Variants in ABCB8 observed in about 807,000 individuals in gnomAD.
ABCB8 encodes the protein mitochondrial potassium channel ATP-binding subunit.
Under a neutral mutation model 73.0 loss-of-function variants are expected in ABCB8, and 52 were observed. That is an observed-to-expected ratio of 0.71 (90% CI 0.57 to 0.90). The LOEUF is 0.90. Among genes scored for constraint, ABCB8 ranks in the 40% least tolerant of loss-of-function variants. ABCB8 has a pLI of 0.00. For missense variants in ABCB8, 909 were observed against 974.6 expected (o/e 0.93, Z 0.90); for synonymous variants, 428 against 423.5 (o/e 1.01, Z -0.13).
intron 14 of ABCB8, among the ~76,000 whole-genome samples, chr7:151,043,403 G>A (rs1340793874): frequency 1.3e-5 from 2 of 151,620 alleles, no homozygotes; most frequent in Non-Finnish European, 2.9e-5. Context: ...GGGGTGGGGG[G>A]TCAGAGGCAG....
At chr7:151,040,135 G>A in intron 9 of ABCB8, 133 bp from the exon 10 acceptor site, 1 of 1,014,496 alleles carries the variant, frequency 9.9e-7, no homozygotes, top group Non-Finnish European at 1.5e-6. Context: ...ACGCCCCCAT[G>A]GTGCAGGAGC....
At chr7:151,040,220 G>T in intron 9 of ABCB8, 48 bp from the exon 10 acceptor site, 2 of 1,598,922 alleles carry the variant, frequency 1.3e-6, no homozygotes, top group South Asian at 1.1e-5. Flanking sequence ...CCCTCCTCTG[G>T]CTCTTCTTGT....
At chr7:151,037,838 T>C (rs1487945197) in intron 9 of ABCB8, 3 of 170,688 alleles carry the variant, frequency 1.8e-5, no homozygotes, top group Non-Finnish European at 3.8e-5. Context: ...AAACCTGACA[T>C]TCCACAGAGA....
In ABCB8 at chr7:151,045,644, C is replaced by A. The variant is rs993179295; in HGVS notation, c.*295C>A. On this transcript the variant is annotated 3_prime_UTR_variant, in exon 16 of 16. Transcript: ENST00000358849. ...CACCTCCACTCTATTCTCCCTTTGCCCAGACCCCTCCAGACCTCTCAAGAG... is the reference window on the plus strand; with the variant it reads ...CACCTCCACTCTATTCTCCCTTTGCACAGACCCCTCCAGACCTCTCAAGAG... 12 of 315,534 alleles carry A rather than the reference C, an allele frequency of 3.8e-5. No individual in the cohort carries two copies. The highest frequency in any genetic ancestry group is 2.1e-4 in the African/African-American group (10 of 46,704). 19.5% of individuals were successfully genotyped at this position (315,534 alleles called of 1,614,324 possible).
At chr7:151,037,392 C>T in intron 9 of ABCB8, 2 of 699,216 alleles carry the variant, frequency 2.9e-6, no homozygotes, top group Non-Finnish European at 5.2e-6. Flanking sequence ...TCCCCACACA[C>T]CCCACCCTTA....
At position 151,034,404 on chromosome 7, in the gene ABCB8, C is replaced by T. The variant is rs768747317; in HGVS notation, c.540C>T (p.His180=). Reference sequence around the variant, plus strand: ...CTGAGTCCCAGAATCTCAGCACCCACCTGCTTATCCTCTATGGTGTCCAGG... The same window carrying T: ...CTGAGTCCCAGAATCTCAGCACCCATCTGCTTATCCTCTATGGTGTCCAGG... ...FMTESQNLST[H]LLILYGVQGL... The change falls in exon 3 of 16, where the codon CAC becomes CAT. Residue 180 remains histidine (H), a synonymous_variant. Coordinates refer to ENST00000358849, the MANE Select transcript of ABCB8 (RefSeq NM_007188.5). 3.7e-6 allele frequency: 6 copies of T among 1,614,026 alleles called. No individual in the cohort carries two copies. In the East Asian group the frequency reaches 1.3e-4, roughly 36 times the overall value.
At position 151,040,527 on chromosome 7, in the gene ABCB8, G is replaced by A. The variant is rs574156516; in HGVS notation, c.1281G>A (p.Arg427=). Residue 427 remains arginine, a synonymous_variant, in exon 11 of 16, where the codon CGG becomes CGA. Coordinates refer to ENST00000358849, the MANE Select transcript of ABCB8 (RefSeq NM_007188.5). The stretch of plus-strand genomic sequence containing the variant: ...TCCGGGGGCTGAGTGCAGGTGCCCG[G>A]GTCTTTGAGTACATGGCCCTGAACC... The part of the protein sequence containing the change: ...QVVRGLSAGA[R]VFEYMALNPC... The A allele has an allele frequency of 6.2e-7, 1 of 1,613,024 alleles. No individual in the cohort carries two copies. The highest frequency in any genetic ancestry group is 8.5e-7 in the Non-Finnish European group (1 of 1,179,562).
chr7:151,030,775 A>G (rs1312764492), intron 1 of ABCB8, among the ~76,000 whole-genome samples: 1 of 151,780 alleles, frequency 6.6e-6, no homozygotes, highest in East Asian at 2.0e-4. Flanking sequence ...CCCTGTCTGT[A>G]CTAAAAATAC....
At chr7:151,030,750 G>A (rs891772361) in intron 1 of ABCB8, among the ~76,000 whole-genome samples, 1 of 152,272 alleles carries the variant, frequency 6.6e-6, no homozygotes, top group Non-Finnish European at 1.5e-5. Context: ...GACCAGCCTA[G>A]CCAACATGGT....
chr7:151,031,440 G>A, intron 1 of ABCB8: 3 of 1,074,018 alleles, frequency 2.8e-6, no homozygotes, highest in African/African-American at 1.6e-5. Flanking sequence ...GATGAAGACT[G>A]CAATTAGAAG....
Position 151,044,092 on chromosome 7 carries a change from C to T in ABCB8, c.1887C>T (p.Ser629=), listed in dbSNP as rs755057095. The change falls in exon 15 of 16, where the codon TCC becomes TCT. Residue 629 remains serine (S), a synonymous_variant. Transcript: ENST00000358849. ...CTACCAGCGCGCTGGATGCAGAGTC[C>T]GAGCGGGTTGTACAGGAGGCCCTGG... is the stretch of plus-strand genomic sequence containing the variant. ...DEATSALDAE[S]ERVVQEALDR... is the part of the protein sequence containing the mutation. 8.7e-6 allele frequency: 14 copies of T among 1,613,712 alleles called. No homozygotes were observed. In the East Asian group the frequency reaches 1.1e-4, roughly 13 times the overall value.
chr7:151,034,955 C>A, intron 5 of ABCB8, 126 bp downstream of exon 5: 1 of 804,776 alleles, frequency 1.2e-6, no homozygotes, highest in Non-Finnish European at 2.0e-6. Context: ...GAGAAACCCA[C>A]TGCCTGTGAG....
At chr7:151,040,183 C>T in intron 9 of ABCB8, 85 bp from the exon 10 acceptor site, 1 of 1,515,094 alleles carries the variant, frequency 6.6e-7, no homozygotes, top group East Asian at 2.3e-5. Context: ...TGCTTCCTTG[C>T]TCCCCCGCCC....
rs752248631 is a variant in ABCB8 at position 151,028,484 on chromosome 7, A to G, written c.-32A>G. ...TCAGTGGGATGAGGGTGAAACTGCT[A>G]TTGCCGGCGGCTCCTGTTTTACCGC... On this transcript the variant is annotated 5_prime_UTR_variant, in exon 1 of 16. Transcript: ENST00000358849. The G allele has an allele frequency of 5.1e-5, 81 of 1,598,694 alleles. 1 individual carries two copies. In the South Asian group the frequency reaches 6.7e-4, roughly 13 times the overall value.
At chr7:151,034,475 CA>C (rs1796249698) in intron 3 of ABCB8, 29 bp from the exon 4 acceptor site, 1 of 1,613,576 alleles carries the variant, frequency 6.2e-7, no homozygotes, top group Non-Finnish European at 8.5e-7. Flanking sequence ...CCACCCGAGG[CA>C]TCCCTGAGTG....
At position 151,045,317 on chromosome 7, in the gene ABCB8, G is replaced by A. The variant is rs1356018248; in HGVS notation, c.2125G>A (p.Glu709Lys). 6.3e-7 allele frequency: 1 copy of A among 1,596,026 alleles called. No homozygotes were observed. The highest frequency in any genetic ancestry group is 8.5e-7 in the Non-Finnish European group (1 of 1,171,190). The stretch of plus-strand genomic sequence containing the variant: ...AGCGGCCCCACCGCCCAAAAAGCCA[G>A]AAGGCCCCAGGAGCCACCAGCACAA... ...RTAAPPPKKP[E>K]GPRSHQHKS is the part of the protein sequence containing the mutation. The change falls in exon 16 of 16, where the codon GAA (glutamate) becomes AAA (lysine). Residue 709 changes from glutamate (E) to lysine (K), a missense_variant. Glu to Lys is a moderately conservative substitution (Grantham distance 56). Coordinates refer to ENST00000358849, the MANE Select transcript of ABCB8 (RefSeq NM_007188.5).
chr7:151,037,228 A>C (rs1796334548), intron 9 of ABCB8: 2 of 702,872 alleles, frequency 2.8e-6, no homozygotes, highest in East Asian at 2.7e-5. Flanking sequence ...GTCACTCCAC[A>C]TTGTGTCCTC....
intron 9 of ABCB8, chr7:151,037,915 T>C (rs1796355525): frequency 6.2e-6 from 1 of 160,422 alleles, no homozygotes; most frequent in Non-Finnish European, 1.4e-5. Flanking sequence ...TGCTCCCTAA[T>C]CTGAGCACCT....
Position 151,040,283 on chromosome 7 carries a change from C to T in ABCB8, c.1233C>T (p.Leu411=). The change falls in exon 10 of 16, where the codon CTC becomes CTT. Residue 411 remains leucine (L), a synonymous_variant. Coordinates refer to ENST00000358849, the MANE Select transcript of ABCB8 (RefSeq NM_007188.5). The part of the protein sequence containing the change: ...SQTVQRSMAN[L]SVLFGQVVRG... ...TTTCTGACAGGTCCATGGCCAACCT[C>T]TCTGTCCTGTTTGGGCAGGTGAGTG... 6.2e-7 allele frequency: 1 copy of T among 1,613,480 alleles called. No homozygotes were observed. Among genetic ancestry groups the T allele is most frequent in the East Asian group, 2.2e-5 (1 of 44,884 alleles).
Sources: allele counts gnomAD v4.1 joint callset (sites outside exome capture counted in the v4.1 genomes callset), GRCh38; gene constraint gnomAD v4.1.1; transcripts MANE v1.5; gene names NCBI Gene and HGNC (gene_info 2026-07-23, HGNC 2026-07-21).